AMBRA1: variants seen among roughly 807,000 people sequenced by gnomAD.
The protein encoded by AMBRA1 is autophagy and beclin 1 regulator 1.
A neutral mutation model predicts 125.4 loss-of-function variants in AMBRA1; 47 were observed. The ratio of observed to expected loss-of-function variants is 0.37; its 90% CI spans 0.30 to 0.48. The LOEUF (loss-of-function observed/expected upper bound fraction) is 0.48. Among genes scored for constraint, AMBRA1 ranks in the 20% least tolerant of loss-of-function variants. The probability of loss-of-function intolerance (pLI) is 0.99; values close to 1 mark genes in which losing one functional copy is unlikely to be tolerated. For missense variants in AMBRA1, 1,331 were observed against 1,693.4 expected, an observed-to-expected ratio of 0.79 and a Z score of 3.76; for synonymous variants, 626 against 655.5, an observed-to-expected ratio of 0.95 and a Z score of 0.69.
intron 11 of AMBRA1, among the ~76,000 whole-genome samples, chr11:46,449,291 A>T (rs1948461271): frequency 6.6e-6 from 1 of 152,240 alleles, no homozygotes; most frequent in Non-Finnish European, 1.5e-5. Flanking sequence ...CTAATCCCAA[A>T]GAATCAACAA....
chr11:46,438,847 C>A (rs1469571857), intron 12 of AMBRA1, among the ~76,000 whole-genome samples: 1 of 152,152 alleles, frequency 6.6e-6, no homozygotes, highest in African/African-American at 2.4e-5. Context: ...ATGCATGAGG[C>A]CTTATTCATA....
At chr11:46,403,981 C>T (rs894268778) in intron 17 of AMBRA1, among the ~76,000 whole-genome samples, 1 of 152,168 alleles carries the variant, frequency 6.6e-6, no homozygotes, top group Non-Finnish European at 1.5e-5. Flanking sequence ...GGGAGGATCA[C>T]TGGAGCCCAG....
chr11:46,509,642 C>A (rs905640971), intron 8 of AMBRA1, among the ~76,000 whole-genome samples: 1 of 152,064 alleles, frequency 6.6e-6, no homozygotes, highest in Non-Finnish European at 1.5e-5. Flanking sequence ...CCTATATACT[C>A]ACAAGGAAAG....
In AMBRA1 at chr11:46,548,363, T is replaced by G; in HGVS notation, c.18A>C (p.Glu6Asp). 1 of 1,614,004 alleles carries G rather than the reference T, an allele frequency of 6.2e-7. No individual in the cohort carries two copies. The highest frequency in any genetic ancestry group is 8.5e-7 in the Non-Finnish European group (1 of 1,180,026). Residue 6 changes from glutamate to aspartate, a missense_variant, in exon 2 of 18, where the codon GAA (glutamate) becomes GAC (aspartate). By Grantham distance (45) the Glu-to-Asp change is conservative. This residue lies in a region of AMBRA1 where 144 missense variants were observed against 250.4 expected (regional missense o/e 0.58). Transcript: ENST00000683756. MKVVP[E>D]KNAVRILWGR... ...CCCAGAGTATCCGGACAGCATTCTT[T>G]TCTGGGACAACCTTCATGGCGCTCA... is the stretch of plus-strand genomic sequence containing the variant.
chr11:46,505,587 T>C (rs928610726), intron 9 of AMBRA1, among the ~76,000 whole-genome samples: 1 of 143,022 alleles, frequency 7.0e-6, no homozygotes, highest in Admixed American at 7.6e-5. Context: ...CAGGGAGCAA[T>C]ATAAGACCCC....
chr11:46,487,012 C>T (rs1314583281), intron 11 of AMBRA1, among the ~76,000 whole-genome samples: 1 of 149,882 alleles, frequency 6.7e-6, no homozygotes, highest in Admixed American at 6.6e-5. Context: ...AATCCCAGCA[C>T]TTTGTGGGGC....
chr11:46,454,579 CA>C (rs777518872), intron 11 of AMBRA1, among the ~76,000 whole-genome samples: 10,671 of 50,520 alleles, frequency 0.21, 1,690 homozygotes, highest in African/African-American at 0.46. Context: ...ACTAAAAATA[CA>C]AAAAAAAAAA....
intron 14 of AMBRA1, among the ~76,000 whole-genome samples, chr11:46,421,985 T>G (rs1174681725): frequency 6.6e-6 from 1 of 152,178 alleles, no homozygotes; most frequent in Non-Finnish European, 1.5e-5. Context: ...TTAATACTAG[T>G]CATGTGCCCT....
intron 7 of AMBRA1, among the ~76,000 whole-genome samples, chr11:46,532,479 G>A (rs1476325119): frequency 2.0e-5 from 3 of 152,226 alleles, no homozygotes; most frequent in East Asian, 1.9e-4. Context: ...CTCTTTTGCC[G>A]AGGCTGGAGT....
chr11:46,514,412 T>C (rs1951391207), intron 7 of AMBRA1, among the ~76,000 whole-genome samples: 1 of 152,136 alleles, frequency 6.6e-6, no homozygotes, highest in Admixed American at 6.6e-5. Flanking sequence ...CTTAGACACT[T>C]GTAACAATCC....
intron 11 of AMBRA1, among the ~76,000 whole-genome samples, chr11:46,451,413 C>T (rs1274720983): frequency 1.3e-5 from 2 of 152,160 alleles, no homozygotes; most frequent in Non-Finnish European, 2.9e-5. Context: ...TCTACCTTTG[C>T]TTCTCTCAGA....
intron 11 of AMBRA1, among the ~76,000 whole-genome samples, chr11:46,459,129 G>A (rs1948983412): frequency 6.6e-6 from 1 of 152,110 alleles, no homozygotes; most frequent in Non-Finnish European, 1.5e-5. Context: ...TAAGAATAAA[G>A]CAGATCTAGA....
Position 46,535,202 on chromosome 11 carries a change from T to C in AMBRA1, c.2072+6743A>G, listed in dbSNP as rs77895324. 1.5e-3 allele frequency among the ~76,000 whole-genome samples: 236 copies of C among 152,354 alleles called. 3 individuals are homozygous for C. The East Asian group carries it at 0.036, about 23-fold the overall frequency. ...TGTCCTTAAATGCCGAACTTCTAAC[T>C]AAGAAGAACTCAGAAGTTAGAAAGC... On this transcript the variant is annotated intron_variant, in intron 7 of 17. Transcript: ENST00000683756.
intron 11 of AMBRA1, among the ~76,000 whole-genome samples, chr11:46,449,918 G>T (rs1201030915): frequency 6.6e-6 from 1 of 152,058 alleles, no homozygotes; most frequent in Non-Finnish European, 1.5e-5. Flanking sequence ...AATTAGCGGG[G>T]CGTGGTGGCG....
chr11:46,585,603 T>C (rs2044343256), intron 1 of AMBRA1, among the ~76,000 whole-genome samples: 1 of 112,664 alleles, frequency 8.9e-6, no homozygotes, highest in Non-Finnish European at 1.7e-5. Flanking sequence ...GAGGCGGAGG[T>C]TGCAGTGAGC....
At chr11:46,581,732 A>G (rs1403524760) in intron 1 of AMBRA1, among the ~76,000 whole-genome samples, 1 of 151,162 alleles carries the variant, frequency 6.6e-6, no homozygotes, top group African/African-American at 2.4e-5. Context: ...CCCAGGAGGC[A>G]GAAATCGCAC....
intron 17 of AMBRA1, among the ~76,000 whole-genome samples, chr11:46,401,396 A>G (rs1945753857): frequency 6.6e-6 from 1 of 152,188 alleles, no homozygotes; most frequent in African/African-American, 2.4e-5. Context: ...ATGTGCCACC[A>G]TACCCAGCTA....
Position 46,435,000 on chromosome 11 carries a change from G to T in AMBRA1, c.2670C>A (p.Tyr890Ter). Residue 890 changes from tyrosine to a stop codon, truncating the protein, a stop_gained, in exon 13 of 18, where the codon TAC becomes TAA. Transcript: ENST00000683756. LOFTEE classifies it high-confidence loss of function. ...CAGAAATGTCACAGCTGGCATCATTGTAGATCTTGCAGTTCTGCACCAGCA... is the reference window on the plus strand; with the variant it reads ...CAGAAATGTCACAGCTGGCATCATTTTAGATCTTGCAGTTCTGCACCAGCA... ...VNVLVQNCKIYNDASCDISAD... is the reference protein window; with the variant it reads ...VNVLVQNCKI The T allele has an allele frequency of 1.2e-6, 2 of 1,613,504 alleles. No homozygotes were observed. The highest frequency in any genetic ancestry group is 1.7e-6 in the Non-Finnish European group (2 of 1,179,722).
At position 46,542,724 on chromosome 11, in the gene AMBRA1, C is replaced by T; in HGVS notation, c.1293G>A (p.Glu431=). ...RTVLSLNSRS[E]AESMPPPRTS... ...TTCTGGGCGGGGGCATGGATTCCGC[C>T]TCAGAGCGGGAGTTCAGACTGAGTA... Residue 431 remains glutamate, a synonymous_variant, in exon 7 of 18, where the codon GAG becomes GAA. Coordinates refer to ENST00000683756, the MANE Select transcript of AMBRA1 (RefSeq NM_001387011.1). This position sits in a 1 kb window ranked among gnomAD's most constrained non-coding sequence, Gnocchi z 5.9. 6.2e-7 allele frequency: 1 copy of T among 1,614,050 alleles called. No individual in the cohort carries two copies. The highest frequency in any genetic ancestry group is 8.5e-7 in the Non-Finnish European group (1 of 1,180,016).
Sources: allele counts gnomAD v4.1 joint callset (sites outside exome capture counted in the v4.1 genomes callset), GRCh38; gene constraint gnomAD v4.1.1; regional missense constraint gnomAD v4.1.1; non-coding constraint Gnocchi (gnomAD v3.1); transcripts MANE v1.5; gene names NCBI Gene and HGNC (gene_info 2026-07-23, HGNC 2026-07-21).